ACCSL: variants seen among roughly 807,000 people sequenced by gnomAD.
ACCSL encodes the protein 1-aminocyclopropane-1-carboxylate synthase homolog (inactive) like.
In ACCSL, 55 loss-of-function variants were observed where a neutral mutation model predicts 61.7. The ratio of observed to expected loss-of-function variants is 0.89; its 90% confidence interval spans 0.72 to 1.12. The LOEUF is 1.12. ACCSL is among the 50% of genes most tolerant of loss of function. ACCSL has a pLI of 0.00. For synonymous variants in ACCSL, 258 were observed against 264.3 expected (o/e 0.98, Z 0.23); for missense variants, 632 against 698.0 (o/e 0.91, Z 1.07).
chr11:44,026,241 T>G, the ACCSL span, among the ~76,000 whole-genome samples: 1 of 152,212 alleles, frequency 6.6e-6, no homozygotes, highest in African/African-American at 2.4e-5. Flanking sequence ...CTAAACAGAC[T>G]GGACAATCTC....
intron 1 of ACCSL, among the ~76,000 whole-genome samples, chr11:44,049,113 G>C (rs780457662): frequency 6.6e-6 from 1 of 152,060 alleles, no homozygotes; most frequent in Non-Finnish European, 1.5e-5. Context: ...AGGTGGATGG[G>C]AGGTGTTAAG....
chr11:44,001,769 A>C, the ACCSL span, among the ~76,000 whole-genome samples: 1 of 92,674 alleles, frequency 1.1e-5, no homozygotes. Flanking sequence ...AGTGGAGGTA[A>C]AGGGGCTGTG....
chr11:43,943,018 GC>G, the ACCSL span: 1 of 1,509,780 alleles, frequency 6.6e-7, no homozygotes, highest in Non-Finnish European at 8.9e-7. This position sits in a 1 kb window ranked among gnomAD's most constrained non-coding sequence, Gnocchi z 4.8. Context: ...CCGCCAAGCT[GC>G]CCAAGGGCCG....
chr11:43,953,699 T>C, the ACCSL span, among the ~76,000 whole-genome samples: 3 of 152,208 alleles, frequency 2.0e-5, no homozygotes, highest in South Asian at 2.1e-4. Context: ...GCCATGGCCA[T>C]GTCAGGAAGT....
the ACCSL span, among the ~76,000 whole-genome samples, chr11:43,927,966 C>T: frequency 2.0e-5 from 3 of 152,176 alleles, no homozygotes; most frequent in East Asian, 5.8e-4. Flanking sequence ...ACTTGGAAAA[C>T]ATCAATAATA....
At chr11:43,995,237 G>C in the ACCSL span, 1 of 152,150 alleles carries the variant, frequency 6.6e-6, no homozygotes, top group South Asian at 2.1e-4. Flanking sequence ...GGAAGGTTGG[G>C]TGACCCGCTC....
intron 13 of ACCSL, among the ~76,000 whole-genome samples, chr11:44,058,970 C>T (rs1042716409): frequency 1.3e-5 from 2 of 152,102 alleles, no homozygotes; most frequent in South Asian, 2.1e-4. Flanking sequence ...AGGCCAGGTG[C>T]GGTGTCTTAT....
the ACCSL span, among the ~76,000 whole-genome samples, chr11:43,992,046 CTTTCTTTCT>C: frequency 1.7e-5 from 2 of 114,918 alleles, no homozygotes; most frequent in African/African-American, 6.2e-5. Flanking sequence ...TTCTTTCTTT[CTTTCTTTCT>C]TTTTTTTTTT....
At chr11:43,994,787 C>A in the ACCSL span, among the ~76,000 whole-genome samples, 1 of 151,890 alleles carries the variant, frequency 6.6e-6, no homozygotes. Flanking sequence ...GCGCGTGCCA[C>A]CATGCCTGGC....
the ACCSL span, among the ~76,000 whole-genome samples, chr11:44,015,734 C>T: frequency 1.3e-5 from 2 of 152,178 alleles, no homozygotes; most frequent in Non-Finnish European, 2.9e-5. Context: ...GGATGGTGTA[C>T]TAGAAAGAGC....
At chr11:44,015,655 C>T in the ACCSL span, among the ~76,000 whole-genome samples, 1 of 152,316 alleles carries the variant, frequency 6.6e-6, no homozygotes, top group East Asian at 1.9e-4. Flanking sequence ...CAACCCAGCT[C>T]ATGCAAAAAT....
At chr11:43,949,033 C>G in the ACCSL span, among the ~76,000 whole-genome samples, 1 of 152,244 alleles carries the variant, frequency 6.6e-6, no homozygotes, top group Non-Finnish European at 1.5e-5. Context: ...GAGCCTGCAG[C>G]ATGATTGATG....
chr11:44,009,105 G>A, the ACCSL span, among the ~76,000 whole-genome samples: 1 of 152,166 alleles, frequency 6.6e-6, no homozygotes, highest in Admixed American at 6.5e-5. Flanking sequence ...GAGGTCGAGG[G>A]TGCAGTGAGC....
the ACCSL span, among the ~76,000 whole-genome samples, chr11:43,991,413 G>A: frequency 6.6e-6 from 1 of 152,240 alleles, no homozygotes; most frequent in African/African-American, 2.4e-5. Flanking sequence ...TGAGAACAGT[G>A]AGGATGGTGT....
the ACCSL span, among the ~76,000 whole-genome samples, chr11:44,019,179 C>T: frequency 1.3e-5 from 2 of 152,210 alleles, no homozygotes; most frequent in African/African-American, 4.8e-5. Flanking sequence ...AATCATCCAT[C>T]AGTCGATGGA....
chr11:43,988,721 G>T, the ACCSL span, among the ~76,000 whole-genome samples: 1 of 151,738 alleles, frequency 6.6e-6, no homozygotes, highest in Non-Finnish European at 1.5e-5. Context: ...GAAACAGGCT[G>T]CAGGGCAAGA....
intron 1 of ACCSL, among the ~76,000 whole-genome samples, chr11:44,049,838 A>G (rs1429318963): frequency 1.3e-5 from 2 of 152,228 alleles, no homozygotes; most frequent in East Asian, 3.8e-4. Context: ...TAAGAACTCA[A>G]TGACTGGTCG....
the ACCSL span, among the ~76,000 whole-genome samples, chr11:43,976,683 G>A: frequency 6.6e-6 from 1 of 152,178 alleles, no homozygotes; most frequent in South Asian, 2.1e-4. Flanking sequence ...GAAGGCACAG[G>A]AAGGGTCATC....
At chr11:44,010,106 C>G in the ACCSL span, among the ~76,000 whole-genome samples, 1 of 152,102 alleles carries the variant, frequency 6.6e-6, no homozygotes, top group African/African-American at 2.4e-5. Context: ...TTTGGGAGGC[C>G]AAGGTGGGGG....
Sources: gnomAD v4.1 joint callset for allele counts (sites outside exome capture counted in the v4.1 genomes callset) on GRCh38, gnomAD v4.1.1 for gene constraint, Gnocchi (gnomAD v3.1) non-coding constraint, MANE v1.5 for transcripts, NCBI Gene and HGNC (gene_info 2026-07-23, HGNC 2026-07-21) for gene names.